TBXAS1: variants seen among roughly 807,000 people sequenced by gnomAD.
The protein encoded by TBXAS1 is thromboxane A synthase 1.
A neutral mutation model predicts 60.7 loss-of-function variants in TBXAS1; 48 were observed. The ratio of observed to expected loss-of-function variants is 0.79; its 90% confidence interval spans 0.63 to 1.01. TBXAS1 has a LOEUF of 1.01. Among genes scored for constraint, TBXAS1 ranks in the 50% least tolerant of loss-of-function variants. TBXAS1 has a pLI of 0.00. For missense variants in TBXAS1, 685 were observed against 686.3 expected, an observed-to-expected ratio of 1.00 and a Z score of 0.02; for synonymous variants, 287 against 269.7, an observed-to-expected ratio of 1.06 and a Z score of -0.63.
chr7:139,800,795 A>C (rs968163538), intron 4 of TBXAS1, among the ~76,000 whole-genome samples: 1 of 152,076 alleles, frequency 6.6e-6, no homozygotes, highest in South Asian at 2.1e-4. Flanking sequence ...ATATTTCCTC[A>C]TGTCCTCTGG....
chr7:139,976,936 C>A (rs1399395534), intron 9 of TBXAS1, among the ~76,000 whole-genome samples: 1 of 152,108 alleles, frequency 6.6e-6, no homozygotes, highest in Non-Finnish European at 1.5e-5. Context: ...CGTGGGTTTT[C>A]CGTGATCATG....
At chr7:139,779,919 C>T (rs1796929930) in intron 1 of TBXAS1, among the ~76,000 whole-genome samples, 1 of 152,294 alleles carries the variant, frequency 6.6e-6, no homozygotes, top group African/African-American at 2.4e-5. Flanking sequence ...GGTCACTTTC[C>T]CACCCACTTT....
At chr7:139,834,757 T>C (rs981044784) in intron 1 of TBXAS1, among the ~76,000 whole-genome samples, 4 of 152,122 alleles carry the variant, frequency 2.6e-5, no homozygotes, top group Admixed American at 6.5e-5. Context: ...ACAATCCTCC[T>C]AGCTTAAATC....
At position 139,935,785 on chromosome 7, in the gene TBXAS1, A is replaced by T. The variant is rs76980846; in HGVS notation, c.334-406A>T. Among the ~76,000 whole-genome samples, 696 of 151,762 alleles carry T rather than the reference A, an allele frequency of 4.6e-3. 5 individuals are homozygous for T. The highest frequency in any genetic ancestry group is 0.016 in the African/African-American group (668 of 41,062). ...CGGGTCCAACCTAACCAATCCAGTC[A>T]CACAAAACCCTGTGCCATGAACTTC... On this transcript the variant is annotated intron_variant, in intron 4 of 12. Transcript: ENST00000448866.
chr7:139,969,945 G>T (rs928392366), intron 9 of TBXAS1, among the ~76,000 whole-genome samples: 2 of 152,198 alleles, frequency 1.3e-5, no homozygotes, highest in Non-Finnish European at 2.9e-5. Context: ...AAAGAACAGC[G>T]TCACTGCAGC....
intron 1 of TBXAS1, among the ~76,000 whole-genome samples, chr7:139,836,586 T>C (rs983085293): frequency 6.6e-6 from 1 of 152,126 alleles, no homozygotes; most frequent in African/African-American, 2.4e-5. Flanking sequence ...TATCAACAAA[T>C]GGTACTGGGA....
At chr7:139,876,325 A>G (rs1175203796) in intron 3 of TBXAS1, among the ~76,000 whole-genome samples, 1 of 152,192 alleles carries the variant, frequency 6.6e-6, no homozygotes, top group Admixed American at 6.5e-5. Flanking sequence ...CCACGTTCAG[A>G]CCACTTACTC....
chr7:139,859,158 AG>A (rs1294554859), intron 1 of TBXAS1, among the ~76,000 whole-genome samples: 3 of 150,464 alleles, frequency 2.0e-5, no homozygotes, highest in African/African-American at 7.3e-5. Context: ...TACAGGCGTG[AG>A]CCACCGTGCC....
intron 3 of TBXAS1, among the ~76,000 whole-genome samples, chr7:139,891,073 C>T (rs989753040): frequency 1.3e-5 from 2 of 152,076 alleles, no homozygotes; most frequent in African/African-American, 4.8e-5. Context: ...CCCATGGCTG[C>T]CTGACATGCC....
intron 3 of TBXAS1, among the ~76,000 whole-genome samples, chr7:139,880,010 A>C (rs1802575639): frequency 2.0e-5 from 3 of 152,112 alleles, no homozygotes; most frequent in African/African-American, 7.2e-5. Context: ...CAGCCAACCA[A>C]GTTGCTGGGA....
intron 9 of TBXAS1, among the ~76,000 whole-genome samples, chr7:140,005,844 T>G (rs1228169427): frequency 6.6e-6 from 1 of 152,228 alleles, no homozygotes; most frequent in African/African-American, 2.4e-5. Context: ...CAAGACTCCA[T>G]GTGTCCTGGC....
rs1262681293 is a variant in TBXAS1, at chr7:139,951,919, GAGAA to G, written c.451-1441_451-1438del. 2.2e-4 allele frequency among the ~76,000 whole-genome samples: 19 copies of G among 84,728 alleles called. 2 individuals are homozygous for G. The highest frequency in any genetic ancestry group is 7.1e-4 in the African/African-American group (15 of 21,252). The allele number at this position is 84,728 out of a possible 152,430, so 55.6% of individuals were successfully genotyped here. ...GGAAGGAAAGAAAGAGAAAGAAAGA[GAGAA>G]AGAAAGAGAGAAAGAAGGAAAGAAA... On this transcript the variant is annotated intron_variant, in intron 5 of 12. Transcript: ENST00000448866.
intron 9 of TBXAS1, among the ~76,000 whole-genome samples, chr7:139,971,693 C>G (rs79380887): frequency 0.012 from 1,829 of 152,202 alleles, 29 homozygotes; most frequent in African/African-American, 0.041. Flanking sequence ...CTGACCCGCT[C>G]TGCCTGGGAG....
chr7:139,989,337 G>C (rs1034399952), intron 9 of TBXAS1, among the ~76,000 whole-genome samples: 4 of 152,196 alleles, frequency 2.6e-5, no homozygotes, highest in African/African-American at 9.7e-5. Flanking sequence ...ACAGGCAAGG[G>C]TCATGGCCAC....
At chr7:140,010,700 C>T (rs1814540641) in intron 10 of TBXAS1, among the ~76,000 whole-genome samples, 1 of 152,184 alleles carries the variant, frequency 6.6e-6, no homozygotes, top group Non-Finnish European at 1.5e-5. Flanking sequence ...AGCTTAGCAT[C>T]TCAATGGGTT....
At chr7:139,942,962 G>A (rs966052968) in intron 5 of TBXAS1, among the ~76,000 whole-genome samples, 1 of 152,118 alleles carries the variant, frequency 6.6e-6, no homozygotes, top group East Asian at 1.9e-4. Flanking sequence ...GATATAGCCC[G>A]CTTATGAGTA....
intron 2 of TBXAS1, among the ~76,000 whole-genome samples, chr7:139,875,009 C>T (rs992899337): frequency 1.3e-5 from 2 of 152,136 alleles, no homozygotes; most frequent in African/African-American, 2.4e-5. Context: ...ACAGGAGAAT[C>T]GCTTGAATCC....
chr7:139,951,783 A>AAAAG (rs1344798770), intron 5 of TBXAS1, among the ~76,000 whole-genome samples: 5 of 82,114 alleles, frequency 6.1e-5, no homozygotes, highest in Non-Finnish European at 2.5e-5. Context: ...AAAAAAAAAA[A>AAAAG]AAAGAAAGAA....
At chr7:139,985,373 CTGGTGTGGGCTGA>C (rs1812372244) in intron 9 of TBXAS1, among the ~76,000 whole-genome samples, 1 of 152,204 alleles carries the variant, frequency 6.6e-6, no homozygotes, top group Non-Finnish European at 1.5e-5. Flanking sequence ...GCAGCGAACC[CTGGTGTGGGCTGA>C]TGGTGTGGAG....
Sources: gnomAD v4.1 joint callset for allele counts (sites outside exome capture counted in the v4.1 genomes callset) on GRCh38, gnomAD v4.1.1 for gene constraint, MANE v1.5 for transcripts, NCBI Gene and HGNC (gene_info 2026-07-23, HGNC 2026-07-21) for gene names.